Variants in RFX6 observed in about 807,000 individuals in gnomAD.
RFX6 encodes DNA-binding protein RFX6.
In RFX6, 50 loss-of-function variants were observed where a neutral mutation model predicts 110.8. That is an observed-to-expected ratio of 0.45 (90% CI 0.36 to 0.57). RFX6 has a LOEUF of 0.57. RFX6 is among the 20% of genes least tolerant of loss of function. The probability of loss-of-function intolerance (pLI) is 0.00; values close to 1 mark genes in which losing one functional copy is unlikely to be tolerated. For missense variants in RFX6, 990 were observed against 1,127.0 expected, an observed-to-expected ratio of 0.88 and a Z score of 1.74; for synonymous variants, 383 against 411.2, an observed-to-expected ratio of 0.93 and a Z score of 0.83.
intron 6 of RFX6, among the ~76,000 whole-genome samples, chr6:116,905,486 C>T (rs1225695432): frequency 1.3e-5 from 2 of 151,984 alleles, no homozygotes; most frequent in Non-Finnish European, 2.9e-5. Context: ...TCATTCCATA[C>T]ATTGCCTTTC....
chr6:116,877,601 T>C (rs1774491002), intron 1 of RFX6, 103 bp downstream of exon 1: 3 of 1,085,310 alleles, frequency 2.8e-6, no homozygotes, highest in Non-Finnish European at 4.0e-6. Flanking sequence ...AAGGCAGATA[T>C]AGAATGTTCT....
intron 16 of RFX6, among the ~76,000 whole-genome samples, chr6:116,926,146 G>A (rs561691258): frequency 1.3e-5 from 2 of 151,998 alleles, no homozygotes; most frequent in Non-Finnish European, 2.9e-5. Flanking sequence ...GCAAAACCCC[G>A]TCTCTACTAA....
At chr6:116,883,611 T>C (rs1206553009) in intron 4 of RFX6, among the ~76,000 whole-genome samples, 1 of 152,184 alleles carries the variant, frequency 6.6e-6, no homozygotes, top group African/African-American at 2.4e-5. Flanking sequence ...CTTCTTTTCA[T>C]ACTACGTTTT....
chr6:116,900,920 G>T (rs2114678823), intron 6 of RFX6, among the ~76,000 whole-genome samples: 1 of 152,226 alleles, frequency 6.6e-6, no homozygotes. Flanking sequence ...ATATACAGTT[G>T]GTCCCTGGCT....
chr6:116,920,253 C>A, intron 11 of RFX6, 57 bp from the exon 12 acceptor site: 3 of 1,398,464 alleles, frequency 2.1e-6, no homozygotes, highest in Non-Finnish European at 3.0e-6. Context: ...CTAAAAATTT[C>A]TTCTAGATAC....
chr6:116,925,708 G>A (rs757442422), intron 16 of RFX6, 49 bp downstream of exon 16: 27 of 1,330,980 alleles, frequency 2.0e-5, no homozygotes, highest in Non-Finnish European at 2.9e-5. Context: ...AGAGAAGCCT[G>A]TTGCTTCATT....
chr6:116,895,163 T>C lies in RFX6; in HGVS notation c.645-17T>C, dbSNP rs746192969. 1.1e-5 allele frequency: 15 copies of C among 1,418,106 alleles called. No homozygotes were observed. The African/African-American group carries it at 2.0e-4, about 19-fold the overall frequency. 87.8% of individuals were successfully genotyped at this position (1,418,106 alleles called of 1,614,324 possible). On this transcript the variant is annotated splice_polypyrimidine_tract_variant and intron_variant, in intron 5 of 18. Coordinates refer to ENST00000332958, the MANE Select transcript of RFX6 (RefSeq NM_173560.4). ...TAATTTTGTTTGAACTAATGGAAAA[T>C]GTACTAATTTTTTAAGGTTTTCTGG...
intron 6 of RFX6, among the ~76,000 whole-genome samples, chr6:116,906,197 T>A (rs1377510277): frequency 6.6e-6 from 1 of 152,224 alleles, no homozygotes; most frequent in Non-Finnish European, 1.5e-5. Flanking sequence ...GAGGATTTGT[T>A]ACTGGCCTCT....
At chr6:116,882,514 C>A (rs1774611810) in intron 4 of RFX6, 86 bp downstream of exon 4, 2 of 914,830 alleles carry the variant, frequency 2.2e-6, no homozygotes, top group African/African-American at 1.7e-5. Context: ...TTTGTCAGTA[C>A]AAAGAGAACC....
intron 6 of RFX6, among the ~76,000 whole-genome samples, chr6:116,906,743 T>TTGTG (rs56724266): frequency 2.2e-4 from 33 of 150,088 alleles, no homozygotes; most frequent in Middle Eastern, 3.4e-3. Context: ...CATTTATGAG[T>TTGTG]TGTGTGTGTG....
intron 8 of RFX6, 42 bp downstream of exon 8, chr6:116,916,127 T>TAC: frequency 6.5e-7 from 1 of 1,547,596 alleles, no homozygotes; most frequent in Non-Finnish European, 8.9e-7. Flanking sequence ...CTATTATATA[T>TAC]ACTTTCATGT....
intron 9 of RFX6, 92 bp downstream of exon 9, chr6:116,916,406 T>C: frequency 1.2e-6 from 1 of 846,660 alleles, no homozygotes; most frequent in Non-Finnish European, 2.0e-6. Context: ...AGTAAATATG[T>C]TATTTATGGC....
In RFX6 at chr6:116,916,254, C is replaced by T. The variant is rs1268727952; in HGVS notation, c.912C>T (p.Pro304=). ...AAGGAATGCCTGACCATCTCCTTCC[C>T]CTGCTCGAAAATCCTGTTATCATTG... ...FWQGMPDHLL[P]LLENPVIIDI... The change falls in exon 9 of 19, where the codon CCC becomes CCT. Residue 304 remains proline (P), a synonymous_variant. Transcript: ENST00000332958. 1.2e-6 allele frequency: 2 copies of T among 1,612,554 alleles called. No homozygotes were observed. Among genetic ancestry groups the T allele is most frequent in the Non-Finnish European group, 1.7e-6 (2 of 1,179,372 alleles).
At chr6:116,882,568 T>TAAA in intron 4 of RFX6, 140 bp downstream of exon 4, 1 of 467,294 alleles carries the variant, frequency 2.1e-6, no homozygotes, top group Non-Finnish European at 3.6e-6. Context: ...CTGTGAGAAC[T>TAAA]GAAAAAAAAA....
At chr6:116,905,351 G>C (rs1219841651) in intron 6 of RFX6, among the ~76,000 whole-genome samples, 4 of 152,034 alleles carry the variant, frequency 2.6e-5, no homozygotes, top group Admixed American at 2.0e-4. Flanking sequence ...CTCTAGAGAA[G>C]TGTATATCAA....
At chr6:116,905,852 T>G (rs1293755995) in intron 6 of RFX6, among the ~76,000 whole-genome samples, 1 of 152,198 alleles carries the variant, frequency 6.6e-6, no homozygotes, top group Non-Finnish European at 1.5e-5. Flanking sequence ...ACTATTTTTT[T>G]TATGAAGTAC....
At chr6:116,889,130 A>C (rs1200894195) in intron 4 of RFX6, among the ~76,000 whole-genome samples, 2 of 152,164 alleles carry the variant, frequency 1.3e-5, no homozygotes, top group African/African-American at 2.4e-5. Flanking sequence ...TCTTTCCACC[A>C]AAGTACACCA....
chr6:116,914,151 A>G (rs534675218), intron 7 of RFX6, among the ~76,000 whole-genome samples: 29 of 152,296 alleles, frequency 1.9e-4, no homozygotes, highest in African/African-American at 6.7e-4. Flanking sequence ...CCACTTGTTT[A>G]GGTCCCACAT....
chr6:116,893,195 C>G (rs181001528), intron 4 of RFX6, among the ~76,000 whole-genome samples: 77 of 152,200 alleles, frequency 5.1e-4, no homozygotes, highest in Non-Finnish European at 7.4e-5. Flanking sequence ...CCACAGAAAG[C>G]AGATGCTAGA....
Sources: allele counts gnomAD v4.1 joint callset (sites outside exome capture counted in the v4.1 genomes callset), GRCh38; gene constraint gnomAD v4.1.1; transcripts MANE v1.5; gene names NCBI Gene and HGNC (gene_info 2026-07-23, HGNC 2026-07-21).